Variants in TBL1XR1 observed in about 807,000 individuals in gnomAD.
TBL1XR1 encodes the protein TBL1X/Y related 1.
A neutral mutation model predicts 66.9 loss-of-function variants in TBL1XR1; 5 were observed. The ratio of observed to expected loss-of-function variants is 0.07; its 90% confidence interval spans 0.04 to 0.16. The LOEUF (loss-of-function observed/expected upper bound fraction) is 0.16. Among genes scored for constraint, TBL1XR1 ranks in the 10% least tolerant of loss-of-function variants. TBL1XR1 has a pLI of 1.00. For missense variants in TBL1XR1, 238 were observed against 623.2 expected, an observed-to-expected ratio of 0.38 and a Z score of 6.58; for synonymous variants, 210 against 206.0, an observed-to-expected ratio of 1.02 and a Z score of -0.17.
chr3:177,135,488 A>G (rs1728891932), intron 1 of TBL1XR1, among the ~76,000 whole-genome samples: 1 of 148,540 alleles, frequency 6.7e-6, no homozygotes, highest in African/African-American at 2.5e-5. Context: ...GGTTCACACC[A>G]TTCTCCTGCC....
At chr3:177,115,096 T>A (rs1375397036) in intron 1 of TBL1XR1, among the ~76,000 whole-genome samples, 1 of 152,142 alleles carries the variant, frequency 6.6e-6, no homozygotes, top group East Asian at 1.9e-4. Context: ...ATGGGCAGGA[T>A]GGACTCCATA....
intron 2 of TBL1XR1, among the ~76,000 whole-genome samples, chr3:177,082,451 T>C (rs534030290): frequency 2.0e-5 from 3 of 151,888 alleles, no homozygotes; most frequent in Admixed American, 2.0e-4. Flanking sequence ...TACTAATATT[T>C]ACTTTTCTCT....
intron 2 of TBL1XR1, among the ~76,000 whole-genome samples, chr3:177,065,612 T>C (rs1719053822): frequency 6.6e-6 from 1 of 152,212 alleles, no homozygotes; most frequent in African/African-American, 2.4e-5. Context: ...TTACTGGACA[T>C]ACTTAAACCT....
intron 2 of TBL1XR1, among the ~76,000 whole-genome samples, chr3:177,073,921 A>G (rs1394303360): frequency 6.6e-6 from 1 of 152,194 alleles, no homozygotes; most frequent in African/African-American, 2.4e-5. Flanking sequence ...CTTCTAACCA[A>G]AACTTGAAAC....
intron 10 of TBL1XR1, among the ~76,000 whole-genome samples, chr3:177,043,815 C>G (rs1431959647): frequency 1.3e-5 from 2 of 151,960 alleles, no homozygotes; most frequent in Admixed American, 6.6e-5. Flanking sequence ...ATTACATTTT[C>G]TTCTCCTTTG....
intron 1 of TBL1XR1, among the ~76,000 whole-genome samples, chr3:177,134,967 C>CTGTG: frequency 7.2e-6 from 1 of 138,034 alleles, no homozygotes; most frequent in Non-Finnish European, 1.5e-5. Flanking sequence ...GTGTGTGTGT[C>CTGTG]TGTGTGTGTG....
At position 177,050,763 on chromosome 3, in the gene TBL1XR1, T is replaced by C. The variant is rs1181594333; in HGVS notation, c.428-153A>G. On this transcript the variant is annotated intron_variant, in intron 5 of 15. Transcript: ENST00000457928. The stretch of plus-strand genomic sequence containing the variant: ...TTAAGCTGAACATGACTACACAGTC[T>C]TAGTCACACAGAAAATAAATTCTTA... Among the ~76,000 whole-genome samples the C allele has an allele frequency of 2.7e-5, 4 of 149,588 alleles. No homozygotes were observed. In the East Asian group the frequency reaches 7.8e-4, roughly 29 times the overall value.
chr3:177,191,043 A>C (rs1412423900), intron 1 of TBL1XR1, among the ~76,000 whole-genome samples: 2 of 152,222 alleles, frequency 1.3e-5, no homozygotes, highest in African/African-American at 4.8e-5. Context: ...AGAAGGACAA[A>C]GGGAACAACA....
At chr3:177,034,581 A>G (rs915914951) in intron 12 of TBL1XR1, among the ~76,000 whole-genome samples, 43 of 152,172 alleles carry the variant, frequency 2.8e-4, no homozygotes, top group African/African-American at 1.0e-3. Flanking sequence ...TGAATTAACT[A>G]TAGTTGTTCT....
intron 1 of TBL1XR1, among the ~76,000 whole-genome samples, chr3:177,196,881 G>A (rs1258675519): frequency 6.6e-6 from 1 of 151,750 alleles, no homozygotes; most frequent in Admixed American, 6.6e-5. Flanking sequence ...GGGTGGGCAG[G>A]CACGTGAGCA....
intron 1 of TBL1XR1, among the ~76,000 whole-genome samples, chr3:177,143,256 G>GC (rs1312082980): frequency 6.6e-6 from 1 of 151,916 alleles, no homozygotes; most frequent in Non-Finnish European, 1.5e-5. Context: ...TATGACCGAG[G>GC]CCTACAGGAA....
intron 1 of TBL1XR1, among the ~76,000 whole-genome samples, chr3:177,105,022 A>C (rs781554969): frequency 2.0e-5 from 3 of 152,242 alleles, no homozygotes; most frequent in Non-Finnish European, 4.4e-5. Flanking sequence ...TTACTTAGGC[A>C]CTAACGCCTA....
At chr3:177,057,850 T>G (rs536066585) in intron 3 of TBL1XR1, among the ~76,000 whole-genome samples, 2 of 152,200 alleles carry the variant, frequency 1.3e-5, no homozygotes, top group South Asian at 2.1e-4. Flanking sequence ...CAGAAAGAAA[T>G]AAGACTGAAA....
At chr3:177,144,387 G>A (rs905426519) in intron 1 of TBL1XR1, among the ~76,000 whole-genome samples, 3 of 152,046 alleles carry the variant, frequency 2.0e-5, no homozygotes, top group Non-Finnish European at 4.4e-5. Flanking sequence ...TTCTGTAAAG[G>A]GCCAGATAGT....
intron 2 of TBL1XR1, among the ~76,000 whole-genome samples, chr3:177,073,927 G>A (rs1434284439): frequency 6.6e-6 from 1 of 152,134 alleles, no homozygotes; most frequent in Non-Finnish European, 1.5e-5. Flanking sequence ...ACCAAAACTT[G>A]AAACTAGTCT....
At chr3:177,039,142 G>C (rs1715219626) in intron 10 of TBL1XR1, among the ~76,000 whole-genome samples, 1 of 152,048 alleles carries the variant, frequency 6.6e-6, no homozygotes, top group Non-Finnish European at 1.5e-5. Flanking sequence ...TTAATTTCAT[G>C]TTCAGACTTG....
upstream of TBL1XR1, among the ~76,000 whole-genome samples, chr3:177,200,725 G>A (rs974939748): frequency 2.0e-5 from 3 of 152,188 alleles, no homozygotes; most frequent in African/African-American, 7.2e-5. Context: ...TAAGTTCTCC[G>A]CTGGGTGTGG....
intron 13 of TBL1XR1, among the ~76,000 whole-genome samples, chr3:177,033,374 G>A (rs1486335173): frequency 3.3e-5 from 5 of 151,882 alleles, no homozygotes; most frequent in African/African-American, 1.2e-4. Flanking sequence ...CTAAACAAGC[G>A]AAAAAAACAA....
chr3:177,131,634 C>T (rs1239372331), intron 1 of TBL1XR1, among the ~76,000 whole-genome samples: 1 of 151,578 alleles, frequency 6.6e-6, no homozygotes, highest in African/African-American at 2.4e-5. Flanking sequence ...CCTCAGCCTC[C>T]CAAATTACAG....
Sources: allele counts gnomAD v4.1 joint callset (sites outside exome capture counted in the v4.1 genomes callset), GRCh38; gene constraint gnomAD v4.1.1; transcripts MANE v1.5; gene names NCBI Gene and HGNC (gene_info 2026-07-23, HGNC 2026-07-21).